The following LPCAT3 variants were observed in gnomAD, a reference collection of about 807,000 sequenced individuals.
LPCAT3 encodes the protein lysophosphatidylcholine acyltransferase 3, also known as lysophospholipid acyltransferase 5.
In LPCAT3, 21 loss-of-function variants were observed where a neutral mutation model predicts 63.4. The observed-to-expected ratio is 0.33, with a 90% CI of 0.23 to 0.48. LPCAT3 has a LOEUF of 0.48. LPCAT3 is among the 20% of genes least tolerant of loss of function. The pLI is 0.99. For synonymous variants in LPCAT3, 242 were observed against 227.5 expected (o/e 1.06, Z -0.58); for missense variants, 451 against 590.6 (o/e 0.76, Z 2.45).
In LPCAT3 at chr12:6,978,630, G is replaced by T. The variant is rs782163727; in HGVS notation, c.846C>A (p.Tyr282Ter). Residue 282 changes from tyrosine (Y) to a stop codon, truncating the protein, a stop_gained, in exon 8 of 13, where the codon TAC becomes TAA. Coordinates refer to ENST00000261407, the MANE Select transcript of LPCAT3 (RefSeq NM_005768.6). LOFTEE classifies it high-confidence loss of function. ...YMLIWGKFVL[Y>*]KYVTCWLVTE... Reference sequence around the variant, plus strand: ...TGACCAGCCAACAGGTGACATATTTGTACAGCACAAACTTGCCCCAGATCA... The same window carrying T: ...TGACCAGCCAACAGGTGACATATTTTTACAGCACAAACTTGCCCCAGATCA... 2 of 1,614,160 alleles carry T rather than the reference G, an allele frequency of 1.2e-6. No homozygotes were observed. The highest frequency in any genetic ancestry group is 1.7e-6 in the Non-Finnish European group (2 of 1,180,028).
intron 1 of LPCAT3, chr12:6,988,143 C>G (rs1946546915): frequency 4.2e-6 from 1 of 238,100 alleles, no homozygotes; most frequent in East Asian, 7.9e-5. Context: ...ACTTAGAGGC[C>G]TTGTGTGCTA....
At chr12:7,006,900 T>C (rs192563486) in intron 1 of LPCAT3, among the ~76,000 whole-genome samples, 80 of 152,326 alleles carry the variant, frequency 5.3e-4, no homozygotes, top group South Asian at 1.7e-3. Context: ...CCTCGAGAGT[T>C]ATAAGCCATT....
intron 1 of LPCAT3, among the ~76,000 whole-genome samples, chr12:7,006,036 A>C (rs1391399932): frequency 6.6e-6 from 1 of 152,148 alleles, no homozygotes; most frequent in Non-Finnish European, 1.5e-5. Flanking sequence ...AATATACATA[A>C]AATTTTGATA....
In LPCAT3 at chr12:7,014,588, A is replaced by G. The variant is rs1374968447; in HGVS notation, c.151+3686T>C. On this transcript the variant is annotated intron_variant, in intron 1 of 12. Transcript: ENST00000261407. ...TTTTCTTTGAAGTATTGAATATTAA[A>G]AATTGCAGCCTCGGCTGGGCGCGGT... Among the ~76,000 whole-genome samples the G allele has an allele frequency of 4.6e-5, 7 of 152,262 alleles. No homozygotes were observed. In the East Asian group the frequency reaches 1.3e-3, roughly 29 times the overall value.
chr12:6,981,684 T>A lies in LPCAT3; in HGVS notation c.461-52A>T, dbSNP rs782466053. On this transcript the variant is annotated intron_variant, in intron 4 of 12. Coordinates refer to ENST00000261407, the MANE Select transcript of LPCAT3 (RefSeq NM_005768.6). ...GGGTGGTGGGAGAGGACACTGAGGA[T>A]GTGGCCTGTAGACTGAGTGCAGCCA... The A allele has an allele frequency of 2.0e-6, 3 of 1,480,068 alleles. No homozygotes were observed. The South Asian group carries it at 3.4e-5, about 17-fold the overall frequency. The allele number at this position is 1,480,068 out of a possible 1,614,324, so 91.7% of individuals were successfully genotyped here.
intron 9 of LPCAT3, 75 bp downstream of exon 9, chr12:6,978,266 T>A: frequency 1.3e-6 from 2 of 1,501,078 alleles, no homozygotes; most frequent in Non-Finnish European, 1.8e-6. Flanking sequence ...GGTGACATGG[T>A]ACACCCCTGC....
At chr12:7,013,543 T>C (rs1270491687) in intron 1 of LPCAT3, among the ~76,000 whole-genome samples, 1 of 152,160 alleles carries the variant, frequency 6.6e-6, no homozygotes, top group African/African-American at 2.4e-5. Context: ...AGAGGTTGTA[T>C]TGATAGGATT....
intron 1 of LPCAT3, among the ~76,000 whole-genome samples, chr12:6,995,121 CTTT>C (rs34836555): frequency 1.3e-4 from 19 of 144,986 alleles, no homozygotes; most frequent in Admixed American, 2.0e-4. Context: ...CTTCTCTGGG[CTTT>C]TTTTTTTTTT....
intron 1 of LPCAT3, among the ~76,000 whole-genome samples, chr12:7,004,703 CCTT>C (rs1946714516): frequency 6.6e-6 from 1 of 152,162 alleles, no homozygotes. Flanking sequence ...CTTTATAGAA[CCTT>C]CTACCTCTCC....
chr12:6,978,541 A>C (rs782487773), intron 8 of LPCAT3, 34 bp from the exon 9 acceptor site: 6 of 1,611,438 alleles, frequency 3.7e-6, no homozygotes, highest in Non-Finnish European at 5.1e-6. Context: ...GGCTCTTGCC[A>C]CTCCCCATAC....
intron 1 of LPCAT3, among the ~76,000 whole-genome samples, chr12:7,014,189 T>C (rs1555157415): frequency 6.6e-6 from 1 of 152,232 alleles, no homozygotes; most frequent in African/African-American, 2.4e-5. Flanking sequence ...TTAGTATACT[T>C]ATCTCAGGCC....
intron 1 of LPCAT3, chr12:6,997,326 A>G (rs1185899607): frequency 6.9e-6 from 1 of 144,580 alleles, no homozygotes; most frequent in East Asian, 2.0e-4. Context: ...GAGCCTCCCA[A>G]GTAGCTAGGA....
chr12:7,018,213 C>T lies in LPCAT3; in HGVS notation c.151+61G>A. The T allele has an allele frequency of 6.5e-7, 1 of 1,546,104 alleles. No individual in the cohort carries two copies. The stretch of plus-strand genomic sequence containing the variant: ...CGGGAAGAGAGGGAGGTCCTGTCCC[C>T]ATTCCTCCCCTACTCCCCGGGGACT... On this transcript the variant is annotated intron_variant, in intron 1 of 12. Coordinates refer to ENST00000261407, the MANE Select transcript of LPCAT3 (RefSeq NM_005768.6). The surrounding 1 kb of genome is among the most constrained non-coding windows in gnomAD (Gnocchi z 4.9).
chr12:6,978,303 G>A (rs782361729), intron 9 of LPCAT3, 38 bp downstream of exon 9: 1 of 1,576,310 alleles, frequency 6.3e-7, no homozygotes, highest in Non-Finnish European at 8.6e-7. Flanking sequence ...ACAGTGGAAG[G>A]AAGGAACCAG....
chr12:6,981,969 A>G (rs782316963), intron 3 of LPCAT3, 65 bp from the exon 4 acceptor site: 46 of 871,080 alleles, frequency 5.3e-5, no homozygotes, highest in South Asian at 3.0e-4. Context: ...CTGAAATTCA[A>G]TGTTCTCTTT....
intron 6 of LPCAT3, 38 bp from the exon 7 acceptor site, chr12:6,979,617 C>G: frequency 7.2e-7 from 1 of 1,394,586 alleles, no homozygotes; most frequent in Non-Finnish European, 1.0e-6. Context: ...TCACAGAGAG[C>G]AGAGACTATT....
intron 1 of LPCAT3, 42 bp from the exon 2 acceptor site, chr12:6,983,581 G>A: frequency 7.7e-7 from 1 of 1,296,622 alleles, no homozygotes; most frequent in Non-Finnish European, 1.1e-6. Flanking sequence ...TTTGTGCCTG[G>A]TGCCATCCCA....
In LPCAT3 at chr12:6,987,343, A is replaced by C. The variant is rs1323473086; in HGVS notation, c.152-3804T>G. Among the ~76,000 whole-genome samples, 3 of 152,218 alleles carry C rather than the reference A, an allele frequency of 2.0e-5. No homozygotes were observed. The highest frequency in any genetic ancestry group is 4.4e-5 in the Non-Finnish European group (3 of 68,030). On this transcript the variant is annotated intron_variant, in intron 1 of 12. Transcript: ENST00000261407. The surrounding 1 kb of genome is among the most constrained non-coding windows in gnomAD (Gnocchi z 4.1). ...GGTGGCATGTGATGGTTCGTTTTCT[A>C]GCTGGCTGAGATGATGGGATATAGG...
rs782238206 is a variant in LPCAT3, at chr12:7,001,427, C to A, written c.151+16847G>T. ...CCACCCCAACAAAATTAGGCACATG[C>A]CTGAAAATTCTGCTGCTACTGCCAG... On this transcript the variant is annotated intron_variant, in intron 1 of 12. Transcript: ENST00000261407. 1.3e-4 allele frequency: 61 copies of A among 455,790 alleles called. 1 individual carries two copies. Among genetic ancestry groups the A allele is most frequent in the South Asian group, 9.5e-4 (61 of 64,548 alleles). The allele number at this position is 455,790 out of a possible 1,614,324, so 28.2% of individuals were successfully genotyped here. A position where few individuals can be genotyped will look rare whatever the true frequency, so the allele number is the denominator to read the frequency against.
Sources: gnomAD v4.1 joint callset for allele counts (sites outside exome capture counted in the v4.1 genomes callset) on GRCh38, gnomAD v4.1.1 for gene constraint, Gnocchi (gnomAD v3.1) non-coding constraint, MANE v1.5 for transcripts, NCBI Gene and HGNC (gene_info 2026-07-23, HGNC 2026-07-21) for gene names.